Variants in FIG4 observed in about 807,000 individuals in gnomAD.
FIG4 encodes polyphosphoinositide phosphatase.
In FIG4, 112 loss-of-function variants were observed where a neutral mutation model predicts 118.6. The observed-to-expected ratio is 0.94, with a 90% CI of 0.81 to 1.11. The LOEUF (loss-of-function observed/expected upper bound fraction) is 1.11. Among genes scored for constraint, FIG4 ranks in the 50% least tolerant of loss-of-function variants. The pLI, the probability that FIG4 is intolerant of heterozygous loss-of-function variation, is 0.00. For synonymous variants in FIG4, 369 were observed against 381.2 expected (o/e 0.97, Z 0.37); for missense variants, 969 against 1,111.7 (o/e 0.87, Z 1.83).
At position 109,691,430 on chromosome 6, in the gene FIG4, G is replaced by T; in HGVS notation, c.-6G>T. 1 of 1,574,388 alleles carries T rather than the reference G, an allele frequency of 6.4e-7. No homozygotes were observed. Among genetic ancestry groups the T allele is most frequent in the Non-Finnish European group, 8.6e-7 (1 of 1,159,754 alleles). On this transcript the variant is annotated 5_prime_UTR_variant, in exon 1 of 23. Transcript: ENST00000230124. ...CCCTGTTGTGGGGCCCCCATTTGCC[G>T]CCGCCATGCCCACGGCCGCCGCCCC...
At chr6:109,729,757 G>A (rs1775931460) in intron 4 of FIG4, among the ~76,000 whole-genome samples, 3 of 138,136 alleles carry the variant, frequency 2.2e-5, no homozygotes, top group Non-Finnish European at 3.0e-5. Flanking sequence ...CTAGGTGACA[G>A]AGTGAGACCC....
chr6:109,743,594 T>C (rs1051336548), intron 9 of FIG4, 81 bp from the exon 10 acceptor site: 29 of 1,089,996 alleles, frequency 2.7e-5, no homozygotes, highest in Non-Finnish European at 3.9e-5. Flanking sequence ...ATTGCATTTC[T>C]TTAAAAAAAC....
intron 10 of FIG4, among the ~76,000 whole-genome samples, chr6:109,755,639 T>C (rs1215709994): frequency 6.6e-6 from 1 of 152,210 alleles, no homozygotes; most frequent in African/African-American, 2.4e-5. Flanking sequence ...GGTGCATATA[T>C]ATTTAGGATA....
At chr6:109,799,056 T>C (rs1293635695) in intron 22 of FIG4, among the ~76,000 whole-genome samples, 1 of 152,200 alleles carries the variant, frequency 6.6e-6, no homozygotes, top group East Asian at 1.9e-4. Flanking sequence ...GAAATGAACA[T>C]AGCATACAAA....
intron 21 of FIG4, 35 bp from the exon 22 acceptor site, chr6:109,796,730 T>A: frequency 8.0e-7 from 1 of 1,257,136 alleles, no homozygotes; most frequent in African/African-American, 1.5e-5. Context: ...AAGTACTCCC[T>A]TCTTTAGCTG....
intron 7 of FIG4, among the ~76,000 whole-genome samples, chr6:109,739,467 C>T (rs1209912912): frequency 6.6e-6 from 1 of 152,042 alleles, no homozygotes; most frequent in Non-Finnish European, 1.5e-5. Context: ...TACATTTTCC[C>T]CCCACAGATA....
At chr6:109,695,737 C>T (rs576445855) in intron 1 of FIG4, among the ~76,000 whole-genome samples, 12 of 152,132 alleles carry the variant, frequency 7.9e-5, no homozygotes, top group Non-Finnish European at 1.2e-4. Flanking sequence ...ATACTGGTAA[C>T]GCCATATTTA....
At chr6:109,801,772 A>G (rs570904204) in intron 22 of FIG4, among the ~76,000 whole-genome samples, 8 of 152,164 alleles carry the variant, frequency 5.3e-5, no homozygotes, top group Non-Finnish European at 1.2e-4. Context: ...GGCCATGATT[A>G]ACTCAACTTC....
chr6:109,812,821 G>T (rs1778757420), intron 22 of FIG4, among the ~76,000 whole-genome samples: 1 of 152,132 alleles, frequency 6.6e-6, no homozygotes, highest in Non-Finnish European at 1.5e-5. Context: ...TGAACTTGAG[G>T]AATGATCGTT....
At chr6:109,725,754 G>C (rs570903455) in intron 3 of FIG4, among the ~76,000 whole-genome samples, 2 of 152,288 alleles carry the variant, frequency 1.3e-5, no homozygotes, top group Admixed American at 6.5e-5. Flanking sequence ...ATCCTCTCCA[G>C]CATCTGTTGT....
chr6:109,737,605 C>T (rs945820944), intron 6 of FIG4, among the ~76,000 whole-genome samples: 2 of 152,130 alleles, frequency 1.3e-5, no homozygotes, highest in Admixed American at 6.6e-5. Flanking sequence ...AGAACCATTA[C>T]AGTCTTTTAA....
At chr6:109,699,943 T>G (rs1241112596) in intron 1 of FIG4, among the ~76,000 whole-genome samples, 1 of 152,230 alleles carries the variant, frequency 6.6e-6, no homozygotes, top group Non-Finnish European at 1.5e-5. Flanking sequence ...ATCCAGTGTC[T>G]GGTGAGGACC....
At position 109,751,826 on chromosome 6, in the gene FIG4, AT is replaced by A. The variant is rs200760437; in HGVS notation, c.1137+8062del. 5.8e-3 allele frequency among the ~76,000 whole-genome samples: 785 copies of A among 135,574 alleles called. 6 individuals are homozygous for A. The highest frequency in any genetic ancestry group is 7.8e-3 in the Non-Finnish European group (483 of 62,140). The allele number at this position is 135,574 out of a possible 152,430, so 88.9% of individuals were successfully genotyped here. On this transcript the variant is annotated intron_variant, in intron 10 of 22. Coordinates refer to ENST00000230124, the MANE Select transcript of FIG4 (RefSeq NM_014845.6). The stretch of plus-strand genomic sequence containing the variant: ...CTCTTTTTTTCTTTTTTTTTTAAGT[AT>A]TTTTTTTCTTTTTTTTTATTATTAT...
At chr6:109,734,369 A>C (rs1196557173) in intron 5 of FIG4, among the ~76,000 whole-genome samples, 1 of 151,064 alleles carries the variant, frequency 6.6e-6, no homozygotes, top group Non-Finnish European at 1.5e-5. Flanking sequence ...CACACACACT[A>C]TACATATATA....
chr6:109,775,693 T>C (rs11968978), intron 15 of FIG4, among the ~76,000 whole-genome samples: 33,566 of 151,902 alleles, frequency 0.22, 4,114 homozygotes, highest in Middle Eastern at 0.33. Flanking sequence ...TCTCAACAAG[T>C]GCAAAGAAAG....
intron 19 of FIG4, 94 bp from the exon 20 acceptor site, chr6:109,791,282 T>C: frequency 9.4e-7 from 1 of 1,060,282 alleles, no homozygotes; most frequent in Non-Finnish European, 1.4e-6. Context: ...TTTCTTATGC[T>C]TCACTAGGCC....
intron 1 of FIG4, among the ~76,000 whole-genome samples, chr6:109,692,489 A>G (rs1273378333): frequency 3.3e-5 from 5 of 152,204 alleles, no homozygotes; most frequent in African/African-American, 9.6e-5. Context: ...TCAGGTTAAC[A>G]TGAGTAGAGA....
intron 1 of FIG4, among the ~76,000 whole-genome samples, chr6:109,697,471 G>A (rs1327496867): frequency 6.6e-6 from 1 of 152,240 alleles, no homozygotes; most frequent in Non-Finnish European, 1.5e-5. Context: ...CTGTTGACAA[G>A]GAGCTTTGCC....
intron 1 of FIG4, among the ~76,000 whole-genome samples, chr6:109,701,281 C>T (rs1774899144): frequency 2.0e-5 from 3 of 152,204 alleles, no homozygotes; most frequent in African/African-American, 7.2e-5. Context: ...TGTGACTCGT[C>T]TGTGGTCCTA....
Sources: gnomAD v4.1 joint callset for allele counts (sites outside exome capture counted in the v4.1 genomes callset) on GRCh38, gnomAD v4.1.1 for gene constraint, MANE v1.5 for transcripts, NCBI Gene and HGNC (gene_info 2026-07-23, HGNC 2026-07-21) for gene names.